Variants in DSC3 observed in about 807,000 individuals in gnomAD.
The protein encoded by DSC3 is desmocollin-3.
A neutral mutation model predicts 89.5 loss-of-function variants in DSC3; 97 were observed. That is an observed-to-expected ratio of 1.08 (90% CI 0.92 to 1.28). The LOEUF is 1.28. Ranked by LOEUF, DSC3 falls within the 50% of genes most tolerant of loss-of-function variation. The pLI, the probability that DSC3 is intolerant of heterozygous loss-of-function variation, is 0.00. For synonymous variants in DSC3, 436 were observed against 384.1 expected (o/e 1.14, Z -1.58); for missense variants, 1,199 against 1,085.3 (o/e 1.10, Z -1.47).
At chr18:31,006,798 TTAA>T (rs1984858083) in intron 12 of DSC3, 106 bp downstream of exon 12, 2 of 866,320 alleles carry the variant, frequency 2.3e-6, no homozygotes, top group African/African-American at 1.7e-5. Context: ...CTAAAATATA[TTAA>T]TGAGACTCAG....
chr18:31,009,923 T>A (rs151187020), intron 9 of DSC3, among the ~76,000 whole-genome samples: 415 of 152,334 alleles, frequency 2.7e-3, no homozygotes, highest in African/African-American at 9.7e-3. Flanking sequence ...TCTAAAAAAT[T>A]TCCAAATCAA....
At chr18:31,017,986 A>G (rs1204339428) in intron 9 of DSC3, 85 bp downstream of exon 9, 4 of 1,168,472 alleles carry the variant, frequency 3.4e-6, no homozygotes, top group Admixed American at 1.9e-5. Flanking sequence ...TGTAGAGTCT[A>G]TGGTCTGAAA....
At chr18:30,998,196 C>T (rs1984541497) in intron 14 of DSC3, among the ~76,000 whole-genome samples, 1 of 151,908 alleles carries the variant, frequency 6.6e-6, no homozygotes, top group African/African-American at 2.4e-5. Context: ...TCTGATATTC[C>T]AGGTAAAAAT....
chr18:31,024,872 A>G (rs1266572899), intron 5 of DSC3, among the ~76,000 whole-genome samples: 1 of 152,174 alleles, frequency 6.6e-6, no homozygotes, highest in Non-Finnish European at 1.5e-5. Context: ...ATAAAGCAGC[A>G]ATTCCCAATT....
At position 31,007,060 on chromosome 18, in the gene DSC3, G is replaced by A. The variant is rs1318443661; in HGVS notation, c.1735C>T (p.Gln579Ter). 6 of 1,613,720 alleles carry A rather than the reference G, an allele frequency of 3.7e-6. No homozygotes were observed. The highest frequency in any genetic ancestry group is 5.1e-6 in the Non-Finnish European group (6 of 1,179,890). Residue 579 changes from glutamine (Q) to a stop codon, truncating the protein, a stop_gained, in exon 12 of 16, where the codon CAA becomes TAA. Coordinates refer to ENST00000360428, the MANE Select transcript of DSC3 (RefSeq NM_001941.5). LOFTEE classifies it high-confidence loss of function. ...DVNDNPPEIL[Q>*]EYVVICKPKM... ...GGTTTGCAAATGACTACATATTCTT[G>A]AAGTATTTCTGGTGGATTATCATTT...
chr18:30,995,996 A>AAAAAAAAAAAAAAAAAAAGAAAG (rs1555631968), intron 15 of DSC3, among the ~76,000 whole-genome samples: 8 of 136,406 alleles, frequency 5.9e-5, no homozygotes, highest in African/African-American at 2.4e-4. Flanking sequence ...AAAAAAAAAA[A>AAAAAAAAAAAAAAAAAAAGAAAG]AAAGAAAAGA....
In DSC3 at chr18:31,031,127, CT is replaced by C; in HGVS notation, c.199del (p.Ser67ValfsTer8). On this transcript the variant is annotated frameshift_variant, in exon 3 of 16. Transcript: ENST00000360428. LOFTEE classifies it high-confidence loss of function. ...CFRSADLIRS[S>X]DPDFRVLNDG... Reference sequence around the variant, plus strand: ...ATTTAGAACTCTGAAATCAGGATCACTTGACCGGATGAGGTCTGCAGACCTG... The same window carrying C: ...ATTTAGAACTCTGAAATCAGGATCACTGACCGGATGAGGTCTGCAGACCTG... 6.2e-7 allele frequency: 1 copy of C among 1,613,562 alleles called. No individual in the cohort carries two copies. Among genetic ancestry groups the C allele is most frequent in the Non-Finnish European group, 8.5e-7 (1 of 1,179,866 alleles).
At chr18:31,007,169 ATTC>A in intron 11 of DSC3, 38 bp from the exon 12 acceptor site, 1 of 1,496,902 alleles carries the variant, frequency 6.7e-7, no homozygotes, top group Non-Finnish European at 9.3e-7. Context: ...TTATTTTAAA[ATTC>A]TTTCATAGTT....
At chr18:31,016,460 C>A (rs1985240391) in intron 9 of DSC3, among the ~76,000 whole-genome samples, 2 of 152,194 alleles carry the variant, frequency 1.3e-5, no homozygotes, top group Non-Finnish European at 2.9e-5. Flanking sequence ...ACATCTGTTG[C>A]AATCACATCA....
chr18:31,015,876 G>A (rs1985218869), intron 9 of DSC3, among the ~76,000 whole-genome samples: 1 of 152,194 alleles, frequency 6.6e-6, no homozygotes. Flanking sequence ...CTGAGCATCA[G>A]TCATGACCCT....
rs1378383848 is a variant in DSC3 at position 30,996,837 on chromosome 18, T to C, written c.2447A>G (p.Tyr816Cys). The C allele has an allele frequency of 1.9e-6, 3 of 1,613,716 alleles. No homozygotes were observed. The South Asian group carries it at 3.3e-5, about 18-fold the overall frequency. Residue 816 changes from tyrosine (Y) to cysteine (C), a missense_variant, in exon 15 of 16, where the codon TAC (tyrosine) becomes TGC (cysteine). By Grantham distance (194) the Tyr-to-Cys change is radical. Transcript: ENST00000360428. ...GGHTEVDNCR[Y>C]TYSEWHSFTQ... ...AAAACTGTGCCACTCCGAGTAAGTG[T>C]ATCTGCAGTTGTCCACCTCCGTGTG...
In DSC3 at chr18:31,042,732, G is replaced by A; in HGVS notation, c.-72C>T. The A allele has an allele frequency of 2.2e-6, 3 of 1,382,782 alleles. No individual in the cohort carries two copies. The highest frequency in any genetic ancestry group is 3.0e-6 in the Non-Finnish European group (3 of 1,011,580). 85.7% of individuals were successfully genotyped at this position (1,382,782 alleles called of 1,614,324 possible). A position where few individuals can be genotyped will look rare whatever the true frequency, so the allele number is the denominator to read the frequency against. On this transcript the variant is annotated 5_prime_UTR_variant, in exon 1 of 16. Transcript: ENST00000360428. ...CGAGAGCGAGACCTGCCGAGGTGCA[G>A]GGCGCGGGAGGTGCTTTTCTCGCCG...
At position 31,018,001 on chromosome 18, in the gene DSC3, T is replaced by C. The variant is rs1985289873; in HGVS notation, c.1263+70A>G. On this transcript the variant is annotated intron_variant, in intron 9 of 15. Coordinates refer to ENST00000360428, the MANE Select transcript of DSC3 (RefSeq NM_001941.5). ...TGTAGAGTCTATGGTCTGAAACTAT[T>C]TAGTTGATTAAATTATTAGGTAACT... 40 of 1,324,882 alleles carry C rather than the reference T, an allele frequency of 3.0e-5. No homozygotes were observed. In the South Asian group the frequency reaches 4.8e-4, roughly 16 times the overall value. The allele number at this position is 1,324,882 out of a possible 1,614,324, so 82.1% of individuals were successfully genotyped here.
At chr18:31,004,445 T>C in intron 12 of DSC3, 79 bp from the exon 13 acceptor site, 1 of 1,330,690 alleles carries the variant, frequency 7.5e-7, no homozygotes, top group Non-Finnish European at 1.0e-6. Context: ...CGCTTGTTTT[T>C]GAAGGCGTCA....
rs761476457 is a variant in DSC3, at chr18:31,022,402, A to C, written c.876T>G (p.Pro292=). 1.9e-6 allele frequency: 3 copies of C among 1,614,124 alleles called. No homozygotes were observed. The Admixed American group carries it at 5.0e-5, about 27-fold the overall frequency. Residue 292 remains proline, a synonymous_variant, in exon 7 of 16, where the codon CCT becomes CCG. Transcript: ENST00000360428. ...YSILQQTPRS[P]GLFSVHPSTG... ...TGCTGGGATGCACAGAAAAGAGCCC[A>C]GGTGACCTTGGTGTCTGCTGCAAAA...
Position 31,008,282 on chromosome 18 carries a change from C to A in DSC3, c.1507G>T (p.Gly503Cys). ...ATTTATTTTTACCTTAAACCATTGC[C>A]ATTTCTATTTTCGGGGTCATATGCC... ...YKAYDPENRN[G>C]NGLRYKKLHD... is the part of the protein sequence containing the mutation. Residue 503 changes from glycine to cysteine, a missense_variant, in exon 10 of 16, where the codon GGC becomes TGC. Physicochemically the swap from Gly to Cys is radical, Grantham distance 159 (BLOSUM62 -3). Transcript: ENST00000360428. 6.2e-7 allele frequency: 1 copy of A among 1,613,908 alleles called. No individual in the cohort carries two copies. The highest frequency in any genetic ancestry group is 8.5e-7 in the Non-Finnish European group (1 of 1,179,934).
chr18:30,996,004 A>AAAAAAAAAAAAG (rs1380162048), intron 15 of DSC3, among the ~76,000 whole-genome samples: 12 of 143,740 alleles, frequency 8.3e-5, no homozygotes, highest in African/African-American at 3.1e-4. Flanking sequence ...AAAAAAGAAA[A>AAAAAAAAAAAAG]GAAAGAAAAA....
chr18:31,010,237 T>A (rs1270868207), intron 9 of DSC3, among the ~76,000 whole-genome samples: 3 of 152,212 alleles, frequency 2.0e-5, no homozygotes. Flanking sequence ...TGTATGTATA[T>A]CCCACAAACT....
At chr18:31,029,190 C>T (rs1985697331) in intron 4 of DSC3, among the ~76,000 whole-genome samples, 2 of 152,172 alleles carry the variant, frequency 1.3e-5, no homozygotes, top group South Asian at 2.1e-4. Context: ...GGCCAATAAC[C>T]CACATGAGAG....
Sources: gnomAD v4.1 joint callset for allele counts (sites outside exome capture counted in the v4.1 genomes callset) on GRCh38, gnomAD v4.1.1 for gene constraint, MANE v1.5 for transcripts, NCBI Gene and HGNC (gene_info 2026-07-23, HGNC 2026-07-21) for gene names.